DGKB: variants seen among roughly 807,000 people sequenced by gnomAD.
DGKB encodes the protein diacylglycerol kinase beta, also known as 90 kDa diacylglycerol kinase.
In DGKB, 67 loss-of-function variants were observed where a neutral mutation model predicts 114.3. The observed-to-expected ratio is 0.59, with a 90% CI of 0.48 to 0.72. DGKB has a LOEUF of 0.72. DGKB is among the 30% of genes least tolerant of loss of function. DGKB has a pLI of 0.00. For missense variants in DGKB, 907 were observed against 975.2 expected, an observed-to-expected ratio of 0.93 and a Z score of 0.93; for synonymous variants, 398 against 323.1, an observed-to-expected ratio of 1.23 and a Z score of -2.49.
chr7:14,556,586 T>G (rs1563500302), intron 20 of DGKB, among the ~76,000 whole-genome samples: 2 of 152,148 alleles, frequency 1.3e-5, no homozygotes, highest in Non-Finnish European at 2.9e-5. Flanking sequence ...AAGCTTAAAT[T>G]TTTTTCAATT....
chr7:14,290,672 G>A (rs1302721253), intron 23 of DGKB, among the ~76,000 whole-genome samples: 4 of 152,056 alleles, frequency 2.6e-5, no homozygotes, highest in Non-Finnish European at 4.4e-5. Context: ...CTCTTCACAT[G>A]CTATTAGGTG....
chr7:14,179,790 T>C (rs1229844629), intron 23 of DGKB, among the ~76,000 whole-genome samples: 2 of 152,220 alleles, frequency 1.3e-5, no homozygotes, highest in Non-Finnish European at 2.9e-5. Flanking sequence ...GCTGTAGCTG[T>C]AGCACCGGAT....
At chr7:14,971,530 T>G (rs1787466842) in intron 1 of DGKB, among the ~76,000 whole-genome samples, 1 of 152,232 alleles carries the variant, frequency 6.6e-6, no homozygotes, top group Non-Finnish European at 1.5e-5. Flanking sequence ...ACCTAGCCAA[T>G]TTTTCATATT....
intron 1 of DGKB, among the ~76,000 whole-genome samples, chr7:14,939,732 G>C (rs1473862880): frequency 7.4e-6 from 1 of 135,956 alleles, no homozygotes; most frequent in Non-Finnish European, 1.5e-5. Flanking sequence ...TCCTGCCTCA[G>C]ACTCCTGAGT....
chr7:14,813,452 G>A (rs1843693500), intron 2 of DGKB, among the ~76,000 whole-genome samples: 1 of 152,128 alleles, frequency 6.6e-6, no homozygotes, highest in Non-Finnish European at 1.5e-5. Context: ...GAGTGTGCCT[G>A]AGAGCCACCA....
At chr7:14,690,154 C>T (rs770478712) in intron 9 of DGKB, among the ~76,000 whole-genome samples, 1 of 152,136 alleles carries the variant, frequency 6.6e-6, no homozygotes, top group Non-Finnish European at 1.5e-5. Flanking sequence ...AATTAAATGA[C>T]GATCCAAAGT....
chr7:14,436,663 A>G (rs1271727816), intron 21 of DGKB, among the ~76,000 whole-genome samples: 1 of 152,116 alleles, frequency 6.6e-6, no homozygotes, highest in Admixed American at 6.6e-5. Flanking sequence ...TATTAGATGT[A>G]AGTAAATTGC....
intron 19 of DGKB, among the ~76,000 whole-genome samples, chr7:14,575,592 A>G (rs1215600867): frequency 6.6e-6 from 1 of 152,184 alleles, no homozygotes; most frequent in Non-Finnish European, 1.5e-5. Flanking sequence ...TTCTCAGTAC[A>G]TGAGTCCTAA....
chr7:14,713,654 C>G (rs928928777), intron 6 of DGKB, among the ~76,000 whole-genome samples: 3 of 147,166 alleles, frequency 2.0e-5, no homozygotes, highest in Non-Finnish European at 3.0e-5. Flanking sequence ...TTTTCATTGT[C>G]AAACTATAGG....
At chr7:14,215,030 T>C (rs539597703) in intron 23 of DGKB, among the ~76,000 whole-genome samples, 4 of 152,208 alleles carry the variant, frequency 2.6e-5, no homozygotes, top group Non-Finnish European at 5.9e-5. Flanking sequence ...CATGCTGAAA[T>C]AGAGGAGCTG....
chr7:14,677,395 A>T (rs566681489), intron 12 of DGKB, among the ~76,000 whole-genome samples: 1 of 152,130 alleles, frequency 6.6e-6, no homozygotes, highest in Non-Finnish European at 1.5e-5. Flanking sequence ...CTGGCCCCTA[A>T]TATTTTGCAG....
intron 1 of DGKB, among the ~76,000 whole-genome samples, chr7:14,911,979 C>T (rs2128243867): frequency 6.6e-6 from 1 of 152,294 alleles, no homozygotes; most frequent in South Asian, 2.1e-4. Flanking sequence ...GTTCAAAACA[C>T]ATCAGAGTTC....
intron 23 of DGKB, among the ~76,000 whole-genome samples, chr7:14,318,204 A>G: frequency 8.0e-6 from 1 of 125,154 alleles, no homozygotes; most frequent in Non-Finnish European, 1.7e-5. Flanking sequence ...CCTAGGCATT[A>G]CCATTCAGGA....
chr7:14,847,072 C>G (rs60142008), intron 1 of DGKB, among the ~76,000 whole-genome samples: 61,490 of 151,778 alleles, frequency 0.41, 13,112 homozygotes, highest in South Asian at 0.62. Context: ...GGGCGGATCA[C>G]GAGGTCAGGA....
At chr7:14,860,153 C>T (rs1201960361) in intron 1 of DGKB, among the ~76,000 whole-genome samples, 2 of 152,120 alleles carry the variant, frequency 1.3e-5, no homozygotes, top group African/African-American at 4.8e-5. Flanking sequence ...TTTCCTTGTT[C>T]AATACTGTCT....
At chr7:14,522,136 G>C (rs1186919631) in intron 20 of DGKB, among the ~76,000 whole-genome samples, 1 of 152,104 alleles carries the variant, frequency 6.6e-6, no homozygotes, top group Admixed American at 6.6e-5. Flanking sequence ...GTTATTAAGT[G>C]TTTCATTTTT....
chr7:14,330,269 T>A (rs973988485), intron 23 of DGKB, among the ~76,000 whole-genome samples: 1 of 151,974 alleles, frequency 6.6e-6, no homozygotes, highest in Admixed American at 6.6e-5. Context: ...CAATAAACCA[T>A]ATATTTTTCA....
chr7:14,870,015 A>G (rs1221774220), intron 1 of DGKB, among the ~76,000 whole-genome samples: 2 of 152,096 alleles, frequency 1.3e-5, no homozygotes, highest in African/African-American at 2.4e-5. Context: ...TTTTCTATCA[A>G]CATGTTAAAT....
intron 13 of DGKB, among the ~76,000 whole-genome samples, chr7:14,646,266 AACAG>A (rs1812987595): frequency 6.6e-6 from 1 of 152,208 alleles, no homozygotes; most frequent in Non-Finnish European, 1.5e-5. Context: ...AAAACATAAA[AACAG>A]ACAAAGAAGG....
Sources: gnomAD v4.1 joint callset for allele counts (sites outside exome capture counted in the v4.1 genomes callset) on GRCh38, gnomAD v4.1.1 for gene constraint, MANE v1.5 for transcripts, NCBI Gene and HGNC (gene_info 2026-07-23, HGNC 2026-07-21) for gene names.